The following RALYL variants were observed in gnomAD, a reference collection of about 807,000 sequenced individuals.
The protein encoded by RALYL is RALY RNA binding protein like, also known as RNA-binding Raly-like protein.
A neutral mutation model predicts 35.1 loss-of-function variants in RALYL; 29 were observed. That is an observed-to-expected ratio of 0.83 (90% CI 0.61 to 1.13). RALYL has a LOEUF of 1.13. Among genes scored for constraint, RALYL ranks in the 50% most tolerant of loss-of-function variants. RALYL has a pLI of 0.00. For synonymous variants in RALYL, 120 were observed against 127.6 expected, an observed-to-expected ratio of 0.94 and a Z score of 0.40; for missense variants, 359 against 360.4, an observed-to-expected ratio of 1.00 and a Z score of 0.03.
chr8:84,529,338 A>C lies in RALYL; in HGVS notation c.17A>C (p.Gln6Pro). ...GAGCCAATCATGACTGGCAAAACAC[A>C]GACCAGCAACGTCACCAATAAGAAT... MTGKT[Q>P]TSNVTNKNDP... The change falls in exon 2 of 9, where the codon CAG (glutamine) becomes CCG (proline). Residue 6 changes from glutamine to proline, a missense_variant. Transcript: ENST00000521268. 6.3e-7 allele frequency: 1 copy of C among 1,578,332 alleles called. No individual in the cohort carries two copies.
intron 2 of RALYL, among the ~76,000 whole-genome samples, chr8:84,544,455 T>A (rs907339958): frequency 1.3e-5 from 2 of 152,070 alleles, no homozygotes; most frequent in Non-Finnish European, 2.9e-5. Flanking sequence ...CTTGTAAAAA[T>A]TTCATATCTT....
intron 2 of RALYL, among the ~76,000 whole-genome samples, chr8:84,561,379 T>C (rs2061457878): frequency 6.6e-6 from 1 of 151,994 alleles, no homozygotes; most frequent in South Asian, 2.1e-4. Context: ...ACAAAGTTAC[T>C]ATTATGTAGG....
chr8:84,415,688 T>C (rs899384193), intron 1 of RALYL, among the ~76,000 whole-genome samples: 1 of 152,220 alleles, frequency 6.6e-6, no homozygotes, highest in Middle Eastern at 3.2e-3. Context: ...ACACTGGTTT[T>C]TTTTTCTGGT....
chr8:84,482,774 TA>T (rs1260029084), intron 1 of RALYL, among the ~76,000 whole-genome samples: 2 of 152,112 alleles, frequency 1.3e-5, no homozygotes, highest in Non-Finnish European at 2.9e-5. Context: ...CACTCATCAT[TA>T]AAAAATTGCA....
At chr8:84,504,574 G>A (rs975295755) in intron 1 of RALYL, among the ~76,000 whole-genome samples, 1 of 152,050 alleles carries the variant, frequency 6.6e-6, no homozygotes, top group Non-Finnish European at 1.5e-5. Context: ...TTTCCATGGT[G>A]GTTACATAGG....
At chr8:84,676,364 G>T (rs1834192870) in intron 2 of RALYL, among the ~76,000 whole-genome samples, 1 of 152,144 alleles carries the variant, frequency 6.6e-6, no homozygotes, top group African/African-American at 2.4e-5. Flanking sequence ...CTTAGTTTGT[G>T]GCTTGCATGC....
intron 1 of RALYL, among the ~76,000 whole-genome samples, chr8:84,205,729 AAGT>A (rs1287949214): frequency 6.6e-6 from 1 of 152,218 alleles, no homozygotes; most frequent in Non-Finnish European, 1.5e-5. Flanking sequence ...AAGGTGATAA[AAGT>A]AGCATCATAA....
chr8:84,746,190 C>G (rs1386668266), intron 2 of RALYL, among the ~76,000 whole-genome samples: 1 of 152,014 alleles, frequency 6.6e-6, no homozygotes, highest in African/African-American at 2.4e-5. Flanking sequence ...TGGGGAAAAT[C>G]ACTTGAGAGG....
In RALYL at chr8:84,341,896, A is replaced by G. The variant is rs192921913; in HGVS notation, c.-24+157472A>G. Among the ~76,000 whole-genome samples, 696 of 152,044 alleles carry G rather than the reference A, an allele frequency of 4.6e-3. 1 individual carries two copies. Among genetic ancestry groups the G allele is most frequent in the Non-Finnish European group, 5.9e-3 (401 of 67,926 alleles). Reference sequence around the variant, plus strand: ...GAGAATTTCCCATATGTAGAATGTAATAGACAAAAGTAGCTCATACCTCAT... The same window carrying G: ...GAGAATTTCCCATATGTAGAATGTAGTAGACAAAAGTAGCTCATACCTCAT... On this transcript the variant is annotated intron_variant, in intron 1 of 8. Coordinates refer to ENST00000521268, the MANE Select transcript of RALYL (RefSeq NM_173848.7).
chr8:84,216,993 A>G (rs1373854263), intron 1 of RALYL, among the ~76,000 whole-genome samples: 3 of 152,096 alleles, frequency 2.0e-5, no homozygotes, highest in Admixed American at 2.0e-4. Flanking sequence ...GCTTACATCT[A>G]TATGCTGCTA....
At chr8:84,462,441 TAA>T (rs139249087) in intron 1 of RALYL, among the ~76,000 whole-genome samples, 8 of 143,460 alleles carry the variant, frequency 5.6e-5, no homozygotes, top group Admixed American at 2.1e-4. Flanking sequence ...ACTCTCTTTG[TAA>T]AAAAAAAAAA....
chr8:84,284,208 G>A (rs1837170780), intron 1 of RALYL, among the ~76,000 whole-genome samples: 1 of 151,972 alleles, frequency 6.6e-6, no homozygotes, highest in African/African-American at 2.4e-5. Flanking sequence ...CAGACATACT[G>A]CATTTCCTTA....
At chr8:84,378,297 G>A (rs1246612929) in intron 1 of RALYL, among the ~76,000 whole-genome samples, 1 of 151,632 alleles carries the variant, frequency 6.6e-6, no homozygotes, top group Non-Finnish European at 1.5e-5. Context: ...AGTAAGATTG[G>A]GCATGGCTTG....
chr8:84,342,296 A>ATATAT (rs1554626164), intron 1 of RALYL, among the ~76,000 whole-genome samples: 15 of 119,140 alleles, frequency 1.3e-4, no homozygotes, highest in East Asian at 5.3e-4. Context: ...ATATATATAT[A>ATATAT]AAACTCAAAA....
intron 2 of RALYL, among the ~76,000 whole-genome samples, chr8:84,731,822 A>G (rs576286052): frequency 3.9e-5 from 6 of 152,268 alleles, no homozygotes; most frequent in African/African-American, 1.4e-4. Context: ...TCAGTGACCA[A>G]AAGATATTTC....
At chr8:84,508,663 T>A (rs184296114) in intron 1 of RALYL, among the ~76,000 whole-genome samples, 400 of 152,072 alleles carry the variant, frequency 2.6e-3, no homozygotes, top group African/African-American at 8.8e-3. Context: ...ATATATATAT[T>A]TTTTTAAAAA....
In RALYL at chr8:84,816,744, A is replaced by T. The variant is rs191098831; in HGVS notation, c.365+11942A>T. On this transcript the variant is annotated intron_variant, in intron 4 of 8. Transcript: ENST00000521268. ...CAATAATAACATAATTGTACATCTTAAGTAACTATAAGAGTGTAATTGGAT... is the reference window on the plus strand; with the variant it reads ...CAATAATAACATAATTGTACATCTTTAGTAACTATAAGAGTGTAATTGGAT... 2.2e-3 allele frequency among the ~76,000 whole-genome samples: 342 copies of T among 152,280 alleles called. 2 individuals carry two copies. The highest frequency in any genetic ancestry group is 7.6e-3 in the African/African-American group (314 of 41,552).
chr8:84,770,765 C>A (rs550682880), intron 2 of RALYL, among the ~76,000 whole-genome samples: 1 of 151,876 alleles, frequency 6.6e-6, no homozygotes, highest in East Asian at 1.9e-4. Context: ...TGGTATAGCA[C>A]CGTGGTTTTG....
At position 84,517,253 on chromosome 8, in the gene RALYL, C is replaced by T. The variant is rs186455699; in HGVS notation, c.-23-12046C>T. On this transcript the variant is annotated intron_variant, in intron 1 of 8. Transcript: ENST00000521268. ...ATATGCATAAAATATGGAAGTCATT[C>T]CTGAGAGTATATATATGGGCCATAA... Among the ~76,000 whole-genome samples, 309 of 152,156 alleles carry T rather than the reference C, an allele frequency of 2.0e-3. 3 individuals are homozygous for T. The highest frequency in any genetic ancestry group is 1.3e-3 in the Non-Finnish European group (86 of 67,988).
Sources: gnomAD v4.1 joint callset for allele counts (sites outside exome capture counted in the v4.1 genomes callset) on GRCh38, gnomAD v4.1.1 for gene constraint, MANE v1.5 for transcripts, NCBI Gene and HGNC (gene_info 2026-07-23, HGNC 2026-07-21) for gene names.